RGS6: variants seen among roughly 807,000 people sequenced by gnomAD.
RGS6 encodes the protein regulator of G-protein signaling 6.
Under a neutral mutation model 78.5 loss-of-function variants are expected in RGS6, and 30 were observed. The ratio of observed to expected loss-of-function variants is 0.38; its 90% CI spans 0.29 to 0.52. The LOEUF (loss-of-function observed/expected upper bound fraction) is 0.52, where lower values mean the gene tolerates loss of function less well. Ranked by LOEUF, RGS6 falls within the 20% of genes least tolerant of loss-of-function variation. The probability of loss-of-function intolerance (pLI) is 0.85; values close to 1 mark genes in which losing one functional copy is unlikely to be tolerated. For synonymous variants in RGS6, 206 were observed against 206.0 expected (o/e 1.00, Z 0.00); for missense variants, 495 against 609.7 (o/e 0.81, Z 1.98).
intron 2 of RGS6, among the ~76,000 whole-genome samples, chr14:72,200,978 AAAAAAAAAAG>A (rs1475583988): frequency 1.3e-5 from 2 of 150,252 alleles, no homozygotes; most frequent in African/African-American, 4.9e-5. Context: ...AAAAAAAAAA[AAAAAAAAAAG>A]AAGAAGAAAA....
At chr14:71,983,899 C>G (rs1011616770) in intron 2 of RGS6, among the ~76,000 whole-genome samples, 2 of 152,210 alleles carry the variant, frequency 1.3e-5, no homozygotes, top group African/African-American at 4.8e-5. Flanking sequence ...GCTTAGTGCT[C>G]TCTGCAAAGA....
At chr14:72,453,086 G>T (rs2095536432) in intron 3 of RGS6, among the ~76,000 whole-genome samples, 1 of 152,142 alleles carries the variant, frequency 6.6e-6, no homozygotes, top group Non-Finnish European at 1.5e-5. Flanking sequence ...GAGTGGTTAG[G>T]TTGGGGTTTG....
Position 72,012,258 on chromosome 14 carries a change from C to T in RGS6, c.84+47383C>T, listed in dbSNP as rs141762986. Among the ~76,000 whole-genome samples the T allele has an allele frequency of 4.6e-5, 7 of 152,218 alleles. No individual in the cohort carries two copies. The East Asian group carries it at 1.3e-3, about 29-fold the overall frequency. On this transcript the variant is annotated intron_variant, in intron 2 of 17. Transcript: ENST00000553525. ...TAAAATCACCTGTGGTATGACCACT[C>T]AGAGGTAAGTATAATGAATGTTTTA... is the stretch of plus-strand genomic sequence containing the variant.
chr14:72,377,758 G>A (rs1303740566), intron 3 of RGS6, among the ~76,000 whole-genome samples: 2 of 152,130 alleles, frequency 1.3e-5, no homozygotes, highest in Non-Finnish European at 2.9e-5. Flanking sequence ...CAGGAGGATT[G>A]TTTGAGCCCA....
At chr14:72,087,922 C>A (rs1299215379) in intron 2 of RGS6, among the ~76,000 whole-genome samples, 1 of 152,060 alleles carries the variant, frequency 6.6e-6, no homozygotes, top group African/African-American at 2.4e-5. Flanking sequence ...TTCTGCTGTT[C>A]CCAGTTCTTT....
intron 2 of RGS6, among the ~76,000 whole-genome samples, chr14:72,144,461 A>G (rs2096581242): frequency 6.6e-6 from 1 of 152,188 alleles, no homozygotes; most frequent in South Asian, 2.1e-4. Flanking sequence ...AGATGATTGT[A>G]TTTTTGAGCC....
chr14:72,256,005 C>A (rs1300313826), intron 2 of RGS6, among the ~76,000 whole-genome samples: 1 of 152,140 alleles, frequency 6.6e-6, no homozygotes, highest in Non-Finnish European at 1.5e-5. Flanking sequence ...AAATAATGAA[C>A]CACTTGCTTT....
intron 3 of RGS6, among the ~76,000 whole-genome samples, chr14:72,444,072 C>T (rs752862752): frequency 6.6e-6 from 1 of 152,172 alleles, no homozygotes; most frequent in Non-Finnish European, 1.5e-5. Context: ...TCCACCCCCA[C>T]GTCTGCTGCT....
intron 3 of RGS6, among the ~76,000 whole-genome samples, chr14:72,434,260 C>T (rs182878827): frequency 2.0e-5 from 3 of 152,296 alleles, no homozygotes; most frequent in Admixed American, 2.0e-4. Context: ...TCGCTTGACA[C>T]CAGGAATTTG....
chr14:72,380,980 A>G (rs1380260463), intron 3 of RGS6, among the ~76,000 whole-genome samples: 2 of 152,122 alleles, frequency 1.3e-5, no homozygotes, highest in African/African-American at 2.4e-5. Context: ...GGTATATGTG[A>G]CGGAATACTA....
intron 2 of RGS6, among the ~76,000 whole-genome samples, chr14:72,070,837 G>A (rs536130061): frequency 1.3e-4 from 20 of 152,282 alleles, no homozygotes; most frequent in African/African-American, 3.4e-4. Context: ...AACTTACTTC[G>A]CAGGGATTGT....
the RGS6 span, among the ~76,000 whole-genome samples, chr14:72,616,772 G>C: frequency 6.6e-6 from 1 of 151,744 alleles, no homozygotes; most frequent in South Asian, 2.1e-4. Flanking sequence ...TCATTCTCTG[G>C]GGTTCAAAAA....
intron 2 of RGS6, among the ~76,000 whole-genome samples, chr14:72,238,039 A>G (rs1472451599): frequency 6.6e-6 from 1 of 152,138 alleles, no homozygotes; most frequent in Non-Finnish European, 1.5e-5. Flanking sequence ...TGGAGATTTT[A>G]TTAAGCAGTG....
At chr14:72,302,395 T>A (rs897147022) in intron 2 of RGS6, among the ~76,000 whole-genome samples, 20 of 152,352 alleles carry the variant, frequency 1.3e-4, no homozygotes, top group African/African-American at 4.6e-4. Context: ...CTATATAAAT[T>A]CTGTGTAAAG....
chr14:72,099,885 G>A (rs925104469), intron 2 of RGS6, among the ~76,000 whole-genome samples: 1 of 152,092 alleles, frequency 6.6e-6, no homozygotes, highest in Non-Finnish European at 1.5e-5. Flanking sequence ...TACTCTCCCC[G>A]TTTCTACTTG....
chr14:72,535,137 A>G (rs1422384235), intron 15 of RGS6, among the ~76,000 whole-genome samples: 1 of 152,186 alleles, frequency 6.6e-6, no homozygotes, highest in Non-Finnish European at 1.5e-5. Flanking sequence ...ATGAGGACAG[A>G]TCTGTTTGGA....
the RGS6 span, among the ~76,000 whole-genome samples, chr14:72,601,806 G>A: frequency 1.3e-5 from 2 of 152,198 alleles, no homozygotes; most frequent in African/African-American, 4.8e-5. Context: ...CCACATAGGT[G>A]CCTGACATAA....
chr14:72,527,459 A>G (rs760273915), intron 15 of RGS6, among the ~76,000 whole-genome samples: 4 of 152,208 alleles, frequency 2.6e-5, no homozygotes, highest in Non-Finnish European at 5.9e-5. Flanking sequence ...TTGACCTGTT[A>G]GAGTTTCAGT....
chr14:72,191,987 G>C (rs937950489), intron 2 of RGS6, among the ~76,000 whole-genome samples: 1 of 152,140 alleles, frequency 6.6e-6, no homozygotes, highest in Non-Finnish European at 1.5e-5. Flanking sequence ...GGGGTCGTTA[G>C]TGTTTGTCCT....
Sources: gnomAD v4.1 joint callset for allele counts (sites outside exome capture counted in the v4.1 genomes callset) on GRCh38, gnomAD v4.1.1 for gene constraint, MANE v1.5 for transcripts, NCBI Gene and HGNC (gene_info 2026-07-23, HGNC 2026-07-21) for gene names.